The following ZNF407 variants were observed in gnomAD, a reference collection of about 807,000 sequenced individuals.
ZNF407 encodes zinc finger protein 407.
ZNF407 carries 17 observed loss-of-function variants against 131.2 expected under a neutral mutation model. That is an observed-to-expected ratio of 0.13 (90% CI 0.09 to 0.19). The LOEUF is 0.19. Among genes scored for constraint, ZNF407 ranks in the 10% least tolerant of loss-of-function variants. The probability of loss-of-function intolerance (pLI) is 1.00; values close to 1 mark genes in which losing one functional copy is unlikely to be tolerated. For missense variants in ZNF407, 2,681 were observed against 2,830.6 expected (o/e 0.95, Z 1.20); for synonymous variants, 1,156 against 1,062.0 (o/e 1.09, Z -1.72).
intron 8 of ZNF407, among the ~76,000 whole-genome samples, chr18:75,033,122 G>T (rs1973264672): frequency 7.5e-6 from 1 of 133,958 alleles, no homozygotes; most frequent in African/African-American, 2.9e-5. Context: ...AACTAAGAGT[G>T]CTCAGAATAG....
At chr18:74,870,525 A>G (rs1232209618) in intron 4 of ZNF407, among the ~76,000 whole-genome samples, 2 of 152,212 alleles carry the variant, frequency 1.3e-5, no homozygotes, top group Non-Finnish European at 2.9e-5. Flanking sequence ...CTTAATACGA[A>G]TTATGCTCAC....
intron 3 of ZNF407, among the ~76,000 whole-genome samples, chr18:74,743,334 T>G (rs558153093): frequency 2.5e-4 from 38 of 152,202 alleles, no homozygotes; most frequent in Admixed American, 1.8e-3. Context: ...TTGATGTGGT[T>G]GGTCAGGATT....
intron 1 of ZNF407, among the ~76,000 whole-genome samples, chr18:74,613,252 A>T (rs1255805139): frequency 6.6e-6 from 1 of 151,098 alleles, no homozygotes; most frequent in Non-Finnish European, 1.5e-5. Flanking sequence ...AACCTTTTAT[A>T]ACTTTGTTTT....
chr18:75,054,308 C>A (rs1973536593), intron 8 of ZNF407, among the ~76,000 whole-genome samples: 1 of 152,184 alleles, frequency 6.6e-6, no homozygotes. Context: ...TTTAATGATG[C>A]CTCTGTGCGG....
Position 74,671,646 on chromosome 18 carries a change from A to G in ZNF407, c.4802+30524A>G, listed in dbSNP as rs567506891. ...CTGTTCCTGCTGCGTTAGTTTGCTAAGGATAATAGCCTCCAGCTCCATCCA... is the reference window on the plus strand; with the variant it reads ...CTGTTCCTGCTGCGTTAGTTTGCTAGGGATAATAGCCTCCAGCTCCATCCA... On this transcript the variant is annotated intron_variant, in intron 3 of 8. Coordinates refer to ENST00000299687, the MANE Select transcript of ZNF407 (RefSeq NM_017757.3). 2.0e-5 allele frequency among the ~76,000 whole-genome samples: 3 copies of G among 152,312 alleles called. No individual in the cohort carries two copies. The South Asian group carries it at 6.2e-4, about 32-fold the overall frequency.
At chr18:74,935,821 G>C (rs1276597363) in intron 8 of ZNF407, among the ~76,000 whole-genome samples, 1 of 152,118 alleles carries the variant, frequency 6.6e-6, no homozygotes, top group African/African-American at 2.4e-5. Context: ...AGCTGAAAAA[G>C]GAAGATAATC....
At chr18:74,673,258 A>G (rs1476538384) in intron 3 of ZNF407, among the ~76,000 whole-genome samples, 1 of 152,166 alleles carries the variant, frequency 6.6e-6, no homozygotes, top group Non-Finnish European at 1.5e-5. Flanking sequence ...GTTCTGGAGG[A>G]CAGAATTCTG....
chr18:74,826,616 T>G (rs1970413438), intron 4 of ZNF407, among the ~76,000 whole-genome samples: 1 of 152,178 alleles, frequency 6.6e-6, no homozygotes, highest in African/African-American at 2.4e-5. Flanking sequence ...TTTAATATTT[T>G]CCTCCGAAGC....
chr18:74,920,735 C>G (rs1256499131), intron 8 of ZNF407, 43 bp downstream of exon 8: 1 of 1,562,176 alleles, frequency 6.4e-7, no homozygotes, highest in African/African-American at 1.4e-5. Context: ...AACAGGATTT[C>G]ATGTGATCAC....
At chr18:74,770,711 T>A (rs944850893) in intron 3 of ZNF407, among the ~76,000 whole-genome samples, 3 of 152,006 alleles carry the variant, frequency 2.0e-5, no homozygotes, top group African/African-American at 7.2e-5. Context: ...CTCCGGGAAA[T>A]TGTGGGTAGG....
In ZNF407 at chr18:74,634,995, G is replaced by C. The variant is rs1450706218; in HGVS notation, c.3976G>C (p.Ala1326Pro). The change falls in exon 2 of 9, where the codon GCT becomes CCT. Residue 1326 changes from alanine to proline, a missense_variant. By Grantham distance (27) the Ala-to-Pro change is conservative. This residue lies in a region of ZNF407 where 1,789 missense variants were observed against 1,748.7 expected (regional missense o/e 1.02). Coordinates refer to ENST00000299687, the MANE Select transcript of ZNF407 (RefSeq NM_017757.3). ...ATTTATTTTGGAGGAGGATGGCCCA[G>C]CTTCTGATAGCACAGTTGAAAGTAG... ...TEFILEEDGPASDSTVESSDV... is the reference protein window; with the variant it reads ...TEFILEEDGPPSDSTVESSDV... 1 of 1,614,026 alleles carries C rather than the reference G, an allele frequency of 6.2e-7. No homozygotes were observed. Among genetic ancestry groups the C allele is most frequent in the Non-Finnish European group, 8.5e-7 (1 of 1,179,906 alleles).
rs575289964 is a variant in ZNF407 at position 74,928,928 on chromosome 18, T to A, written c.5428+8236T>A. ...CTCTGTAGTTTTAAAACTGTTTTTT[T>A]AAAAAGAATATCATCCTGAAAAAAG... On this transcript the variant is annotated intron_variant, in intron 8 of 8. Transcript: ENST00000299687. Among the ~76,000 whole-genome samples the A allele has an allele frequency of 7.2e-5, 11 of 152,246 alleles. No homozygotes were observed. The South Asian group carries it at 8.3e-4, about 11-fold the overall frequency.
intron 7 of ZNF407, among the ~76,000 whole-genome samples, chr18:74,899,320 G>A (rs1384165651): frequency 6.6e-6 from 1 of 152,174 alleles, no homozygotes; most frequent in East Asian, 1.9e-4. Flanking sequence ...TGTGATGGAA[G>A]GGCAGAGAGT....
At chr18:74,815,772 C>T (rs973386361) in intron 4 of ZNF407, among the ~76,000 whole-genome samples, 1 of 152,128 alleles carries the variant, frequency 6.6e-6, no homozygotes, top group African/African-American at 2.4e-5. Context: ...ATCCTGACTC[C>T]TTATTTCAGC....
At chr18:74,875,253 G>C (rs1338966302) in intron 4 of ZNF407, among the ~76,000 whole-genome samples, 1 of 152,102 alleles carries the variant, frequency 6.6e-6, no homozygotes, top group East Asian at 1.9e-4. Flanking sequence ...GAACACATGA[G>C]GTTTTCTGAA....
At chr18:74,911,767 T>G (rs956697031) in intron 7 of ZNF407, among the ~76,000 whole-genome samples, 1 of 152,144 alleles carries the variant, frequency 6.6e-6, no homozygotes, top group African/African-American at 2.4e-5. Context: ...TCTAAAATAG[T>G]GAGCGATCAC....
chr18:74,653,798 TATG>T (rs1235218361), intron 3 of ZNF407, among the ~76,000 whole-genome samples: 3 of 151,848 alleles, frequency 2.0e-5, no homozygotes, highest in Non-Finnish European at 4.4e-5. Flanking sequence ...AGTGTTTCCT[TATG>T]ATAACTTATT....
At chr18:74,712,805 G>A (rs1240075150) in intron 3 of ZNF407, among the ~76,000 whole-genome samples, 1 of 152,202 alleles carries the variant, frequency 6.6e-6, no homozygotes, top group African/African-American at 2.4e-5. Context: ...TCCAGGAAGG[G>A]CTGGTGAGAT....
intron 3 of ZNF407, among the ~76,000 whole-genome samples, chr18:74,685,081 CT>C (rs35641257): frequency 2.0e-4 from 31 of 152,122 alleles, no homozygotes; most frequent in African/African-American, 7.5e-4. Flanking sequence ...TTTTTGTTAG[CT>C]TTTTTCTTTT....
Sources: gnomAD v4.1 joint callset for allele counts (sites outside exome capture counted in the v4.1 genomes callset) on GRCh38, gnomAD v4.1.1 for gene constraint, gnomAD v4.1.1 regional missense constraint, MANE v1.5 for transcripts, NCBI Gene and HGNC (gene_info 2026-07-23, HGNC 2026-07-21) for gene names.